TIMM23B: variants seen among roughly 807,000 people sequenced by gnomAD.
The protein encoded by TIMM23B is mitochondrial import inner membrane translocase subunit Tim23B.
A neutral mutation model predicts 27.3 loss-of-function variants in TIMM23B; 27 were observed. The ratio of observed to expected loss-of-function variants is 0.99; its 90% CI spans 0.73 to 1.36. TIMM23B has a LOEUF of 1.36. Ranked by LOEUF, TIMM23B falls within the 40% of genes most tolerant of loss-of-function variation. The pLI, the probability that TIMM23B is intolerant of heterozygous loss-of-function variation, is 0.00. For missense variants in TIMM23B, 205 were observed against 244.2 expected (o/e 0.84, Z 1.07); for synonymous variants, 73 against 92.4 (o/e 0.79, Z 1.21).
At chr10:49,960,108 C>T (rs1839848629) in intron 6 of TIMM23B, among the ~76,000 whole-genome samples, 1 of 147,892 alleles carries the variant, frequency 6.8e-6, no homozygotes, top group Non-Finnish European at 1.5e-5. Flanking sequence ...AGTGCAGTGG[C>T]ACAATCAAGG....
At chr10:49,969,294 A>G (rs1252465022) in intron 6 of TIMM23B, among the ~76,000 whole-genome samples, 25 of 151,312 alleles carry the variant, frequency 1.7e-4, no homozygotes, top group Admixed American at 1.6e-3. Flanking sequence ...AAAATTAGCC[A>G]GTCTTGGTGG....
chr10:49,948,706 G>A (rs1198262287), intron 2 of TIMM23B, among the ~76,000 whole-genome samples: 2 of 152,232 alleles, frequency 1.3e-5, no homozygotes, highest in Non-Finnish European at 2.9e-5. Context: ...CAAGGGTTGG[G>A]AGTAAATGGG....
chr10:49,948,778 TGTA>T (rs1839430541), intron 2 of TIMM23B, among the ~76,000 whole-genome samples: 1 of 152,226 alleles, frequency 6.6e-6, no homozygotes, highest in South Asian at 2.1e-4. Flanking sequence ...TAAAATTTAT[TGTA>T]GTCTTGGTTG....
chr10:49,957,565 A>G (rs1839768163), intron 5 of TIMM23B, among the ~76,000 whole-genome samples: 1 of 151,962 alleles, frequency 6.6e-6, no homozygotes, highest in South Asian at 2.1e-4. Context: ...CTGGCTGGAT[A>G]TTTTTAAAGG....
chr10:49,969,808 C>A (rs1840340678), intron 6 of TIMM23B, among the ~76,000 whole-genome samples: 1 of 151,976 alleles, frequency 6.6e-6, no homozygotes, highest in Non-Finnish European at 1.5e-5. Flanking sequence ...GTCTCCCTCT[C>A]CCTCTCTTTC....
rs760488181 is a variant in TIMM23B, at chr10:49,967,514, AGT to A, written c.515-5494_515-5493del. Among the ~76,000 whole-genome samples the A allele has an allele frequency of 1.8e-3, 269 of 150,304 alleles. 1 individual carries two copies. Among genetic ancestry groups the A allele is most frequent in the Non-Finnish European group, 3.3e-3 (223 of 67,202 alleles). On this transcript the variant is annotated intron_variant, in intron 6 of 6. Transcript: ENST00000651259. ...AGTGTTTCGAGTTATTAAGACAGGA[AGT>A]GTGAGTCCCTGTTGGAATTCTGGGT...
At chr10:49,951,791 C>T (rs1284929370) in intron 2 of TIMM23B, among the ~76,000 whole-genome samples, 3 of 152,156 alleles carry the variant, frequency 2.0e-5, no homozygotes, top group Non-Finnish European at 2.9e-5. Flanking sequence ...TTGTTTCTTC[C>T]AGACTGGTTG....
intron 5 of TIMM23B, among the ~76,000 whole-genome samples, chr10:49,957,092 T>G (rs1839748980): frequency 6.6e-6 from 1 of 151,660 alleles, no homozygotes; most frequent in African/African-American, 2.4e-5. Context: ...CTTTGGATAC[T>G]TCTGATGCTG....
At chr10:49,948,816 C>T (rs1429845451) in intron 2 of TIMM23B, among the ~76,000 whole-genome samples, 2 of 152,144 alleles carry the variant, frequency 1.3e-5, no homozygotes, top group Non-Finnish European at 2.9e-5. Context: ...TACTAAAAAC[C>T]ACTGAATTGT....
intron 5 of TIMM23B, among the ~76,000 whole-genome samples, chr10:49,957,819 G>A (rs1343423616): frequency 1.3e-5 from 2 of 152,206 alleles, no homozygotes; most frequent in Non-Finnish European, 2.9e-5. Flanking sequence ...TTATAGAACT[G>A]TGATTGGACA....
intron 6 of TIMM23B, among the ~76,000 whole-genome samples, chr10:49,963,680 G>A (rs1212037811): frequency 5.3e-5 from 8 of 151,980 alleles, no homozygotes; most frequent in African/African-American, 1.2e-4. Context: ...AATGAAATAC[G>A]AAATACTGGG....
intron 1 of TIMM23B, among the ~76,000 whole-genome samples, chr10:49,942,548 C>G (rs1839158606): frequency 1.3e-5 from 2 of 152,132 alleles, no homozygotes; most frequent in African/African-American, 4.8e-5. Flanking sequence ...TGCATGTTTT[C>G]TTAGGTTTAT....
chr10:49,949,397 G>A (rs1839452560), intron 2 of TIMM23B, among the ~76,000 whole-genome samples: 1 of 151,936 alleles, frequency 6.6e-6, no homozygotes, highest in African/African-American at 2.4e-5. Context: ...TTAACATTGG[G>A]TGTTCCTTGA....
Position 49,942,226 on chromosome 10 carries a change from C to T in TIMM23B, c.32C>T (p.Thr11Ile). The stretch of plus-strand genomic sequence containing the variant: ...GGAGGCGGGGGAAGCGGCGACAAAA[C>T]CACAGGGGTATTGGCCGGCTTTTTC... MEGGGGSGDK[T>I]TGVLAGFFGA... The change falls in exon 1 of 7, where the codon ACC becomes ATC. Residue 11 changes from threonine (T) to isoleucine (I), a missense_variant. Coordinates refer to ENST00000651259, the MANE Select transcript of TIMM23B (RefSeq NM_001290117.2). 1.2e-6 allele frequency: 2 copies of T among 1,612,230 alleles called. No individual in the cohort carries two copies. Among genetic ancestry groups the T allele is most frequent in the South Asian group, 2.2e-5 (2 of 90,686 alleles).
At chr10:49,965,773 C>A (rs1457231861) in intron 6 of TIMM23B, among the ~76,000 whole-genome samples, 2 of 150,372 alleles carry the variant, frequency 1.3e-5, no homozygotes, top group Non-Finnish European at 3.0e-5. Flanking sequence ...CACACTCCAG[C>A]CTGGGTAATG....
At chr10:49,952,375 G>A in intron 3 of TIMM23B, 74 bp from the exon 4 acceptor site, 1 of 1,528,160 alleles carries the variant, frequency 6.5e-7, no homozygotes, top group Non-Finnish European at 8.9e-7. Flanking sequence ...AATCAGAAGT[G>A]TAGTTATGCA....
At chr10:49,965,653 CGAAAT>C (rs1292161846) in intron 6 of TIMM23B, among the ~76,000 whole-genome samples, 10 of 123,702 alleles carry the variant, frequency 8.1e-5, no homozygotes, top group East Asian at 5.0e-4. Context: ...GTCTCTGTCT[CGAAAT>C]GAAATGAAAC....
At chr10:49,962,686 A>G (rs782762690) in intron 6 of TIMM23B, among the ~76,000 whole-genome samples, 29,392 of 151,922 alleles carry the variant, frequency 0.19, 3,337 homozygotes, top group Non-Finnish European at 0.27. Flanking sequence ...TCATCTGTCC[A>G]TCTTTGTTCA....
chr10:49,942,407 T>G (rs1414293270), intron 1 of TIMM23B, 107 bp downstream of exon 1: 2 of 1,541,120 alleles, frequency 1.3e-6, no homozygotes, highest in Non-Finnish European at 1.8e-6. Flanking sequence ...CTTGCTGGCG[T>G]TTACAAGCTT....
Sources: allele counts gnomAD v4.1 joint callset (sites outside exome capture counted in the v4.1 genomes callset), GRCh38; gene constraint gnomAD v4.1.1; transcripts MANE v1.5; gene names NCBI Gene and HGNC (gene_info 2026-07-23, HGNC 2026-07-21).